The following CSMD2 variants were observed in gnomAD, a reference collection of about 807,000 sequenced individuals.
CSMD2 encodes the protein CUB and Sushi multiple domains 2.
CSMD2 carries 130 observed loss-of-function variants against 398.5 expected under a neutral mutation model. The observed-to-expected ratio is 0.33, with a 90% CI of 0.28 to 0.38. The LOEUF is 0.38. CSMD2 is among the 10% of genes least tolerant of loss of function. The probability of loss-of-function intolerance (pLI) is 1.00; values close to 1 mark genes in which losing one functional copy is unlikely to be tolerated. For synonymous variants in CSMD2, 1,828 were observed against 1,908.5 expected, an observed-to-expected ratio of 0.96 and a Z score of 1.10; for missense variants, 3,829 against 4,764.9, an observed-to-expected ratio of 0.80 and a Z score of 5.78.
At chr1:34,151,135 G>A (rs955246732) in intron 1 of CSMD2, among the ~76,000 whole-genome samples, 2 of 152,182 alleles carry the variant, frequency 1.3e-5, no homozygotes, top group Non-Finnish European at 2.9e-5. Flanking sequence ...GGCACCTTCT[G>A]AATGAAGTCT....
At chr1:33,857,062 G>A (rs529508483) in intron 5 of CSMD2, among the ~76,000 whole-genome samples, 2 of 152,044 alleles carry the variant, frequency 1.3e-5, no homozygotes, top group African/African-American at 4.8e-5. Context: ...TAGCACGCAG[G>A]CCCTAGAAGA....
Position 33,514,280 on chromosome 1 carries a change from CTTTTT to C in CSMD2, c.*2339_*2343del, listed in dbSNP as rs11333218. 2 of 147,326 alleles carry C rather than the reference CTTTTT, an allele frequency of 1.4e-5. No homozygotes were observed. The highest frequency in any genetic ancestry group is 6.8e-5 in the Admixed American group (1 of 14,790). 9.1% of individuals were successfully genotyped at this position (147,326 alleles called of 1,614,324 possible). A position where few individuals can be genotyped will look rare whatever the true frequency, so the allele number is the denominator to read the frequency against. On this transcript the variant is annotated 3_prime_UTR_variant, in exon 71 of 71. Coordinates refer to ENST00000373381, the MANE Select transcript of CSMD2 (RefSeq NM_001281956.2). ...ACAATAATGAAAAAAAAATTTACAC[CTTTTT>C]TTTTTTCTTTTTTGGTACTGTACAA... is the stretch of plus-strand genomic sequence containing the variant.
At chr1:33,860,212 T>G (rs1160856107) in intron 5 of CSMD2, among the ~76,000 whole-genome samples, 1 of 152,210 alleles carries the variant, frequency 6.6e-6, no homozygotes, top group Non-Finnish European at 1.5e-5. Context: ...TTGTCCTGTC[T>G]TCTTGGTTTC....
At chr1:34,022,454 C>T (rs1376324718) in intron 3 of CSMD2, among the ~76,000 whole-genome samples, 1 of 152,158 alleles carries the variant, frequency 6.6e-6, no homozygotes, top group African/African-American at 2.4e-5. Flanking sequence ...CTCTATTGAG[C>T]GTTCTTCCTG....
intron 3 of CSMD2, among the ~76,000 whole-genome samples, chr1:34,003,716 C>T (rs1646971591): frequency 6.6e-6 from 1 of 152,186 alleles, no homozygotes; most frequent in East Asian, 1.9e-4. Flanking sequence ...AGGGACTCTA[C>T]TGCACCATCC....
chr1:34,143,892 G>A (rs904705872), intron 1 of CSMD2, among the ~76,000 whole-genome samples: 4 of 152,172 alleles, frequency 2.6e-5, no homozygotes, highest in African/African-American at 9.7e-5. Context: ...TAACCAAGGA[G>A]AATCAGGTCT....
At chr1:34,091,449 C>A (rs758437950) in intron 1 of CSMD2, among the ~76,000 whole-genome samples, 1 of 152,064 alleles carries the variant, frequency 6.6e-6, no homozygotes, top group Non-Finnish European at 1.5e-5. Context: ...AGTAATGGGG[C>A]CCAAGTCACT....
At chr1:33,976,943 A>AGAAGTGGCAGTTTATGG (rs1645988102) in intron 3 of CSMD2, among the ~76,000 whole-genome samples, 1 of 151,912 alleles carries the variant, frequency 6.6e-6, no homozygotes. Context: ...TTTCCAGAAA[A>AGAAGTGGCAGTTTATGG]GAAGTGGCAG....
At chr1:33,891,339 C>G (rs368892874) in intron 5 of CSMD2, among the ~76,000 whole-genome samples, 60 of 150,984 alleles carry the variant, frequency 4.0e-4, no homozygotes, top group East Asian at 3.1e-3. Flanking sequence ...CAAATCAAAA[C>G]CACAATGAGA....
At chr1:33,740,288 GC>G (rs1647015756) in intron 14 of CSMD2, among the ~76,000 whole-genome samples, 1 of 71,630 alleles carries the variant, frequency 1.4e-5, no homozygotes, top group South Asian at 4.3e-4. Flanking sequence ...TGTCTCCGAA[GC>G]CAGGCTCTAT....
chr1:33,759,526 G>T (rs572992612), intron 13 of CSMD2, among the ~76,000 whole-genome samples: 2 of 151,558 alleles, frequency 1.3e-5, no homozygotes, highest in East Asian at 1.9e-4. Context: ...GGGGTTTCAC[G>T]GTGTTAGCCA....
At chr1:33,902,302 T>C (rs1642807939) in intron 5 of CSMD2, among the ~76,000 whole-genome samples, 2 of 152,286 alleles carry the variant, frequency 1.3e-5, no homozygotes, top group South Asian at 4.1e-4. Context: ...CTTCTTCCCT[T>C]ACCCTGCCTG....
At chr1:33,805,424 G>T (rs1656108543) in intron 10 of CSMD2, among the ~76,000 whole-genome samples, 1 of 152,152 alleles carries the variant, frequency 6.6e-6, no homozygotes, top group African/African-American at 2.4e-5. Context: ...TCTGCTTCCA[G>T]TGTTCCCAGC....
intron 5 of CSMD2, among the ~76,000 whole-genome samples, chr1:33,897,400 GA>G (rs1485039543): frequency 6.6e-6 from 1 of 152,218 alleles, no homozygotes; most frequent in African/African-American, 2.4e-5. Flanking sequence ...CTCATCTGTG[GA>G]ATCTGGCAAC....
At chr1:34,151,165 C>A (rs910876324) in intron 1 of CSMD2, among the ~76,000 whole-genome samples, 1 of 152,192 alleles carries the variant, frequency 6.6e-6, no homozygotes, top group South Asian at 2.1e-4. Context: ...CCCTCTCCCC[C>A]TCTGCTGTGC....
intron 37 of CSMD2, among the ~76,000 whole-genome samples, chr1:33,621,813 G>A (rs1254809504): frequency 6.6e-6 from 1 of 152,114 alleles, no homozygotes; most frequent in Non-Finnish European, 1.5e-5. Context: ...AAAAATAATC[G>A]CATCATAGAA....
At chr1:33,628,978 A>C (rs1257631679) in intron 32 of CSMD2, among the ~76,000 whole-genome samples, 1 of 152,108 alleles carries the variant, frequency 6.6e-6, no homozygotes, top group Non-Finnish European at 1.5e-5. Flanking sequence ...TTGATTTACA[A>C]TCAAGGTGTC....
intron 5 of CSMD2, among the ~76,000 whole-genome samples, chr1:33,890,232 C>CTTTTT (rs11417145): frequency 2.3e-5 from 3 of 130,402 alleles, no homozygotes; most frequent in African/African-American, 2.9e-5. Flanking sequence ...CTTTTTCTTT[C>CTTTTT]TTTTTTTTTT....
chr1:33,702,162 G>A (rs1645632701), intron 22 of CSMD2, among the ~76,000 whole-genome samples: 1 of 152,084 alleles, frequency 6.6e-6, no homozygotes, highest in Non-Finnish European at 1.5e-5. Flanking sequence ...AGTTACAAGG[G>A]GGAAAAGAAA....
Sources: gnomAD v4.1 joint callset for allele counts (sites outside exome capture counted in the v4.1 genomes callset) on GRCh38, gnomAD v4.1.1 for gene constraint, MANE v1.5 for transcripts, NCBI Gene and HGNC (gene_info 2026-07-23, HGNC 2026-07-21) for gene names.